Variants in DOCK8 observed in about 807,000 individuals in gnomAD.
DOCK8 encodes the protein dedicator of cytokinesis 8.
In DOCK8, 141 loss-of-function variants were observed where a neutral mutation model predicts 245.6. The ratio of observed to expected loss-of-function variants is 0.57; its 90% confidence interval spans 0.50 to 0.66. The LOEUF is 0.66. DOCK8 is among the 30% of genes least tolerant of loss of function. The pLI is 0.00. For missense variants in DOCK8, 2,965 were observed against 2,603.4 expected, an observed-to-expected ratio of 1.14 and a Z score of -3.02; for synonymous variants, 1,168 against 970.2, an observed-to-expected ratio of 1.20 and a Z score of -3.79.
chr9:344,534 A>AG (rs2051775272), intron 14 of DOCK8, among the ~76,000 whole-genome samples: 4 of 150,492 alleles, frequency 2.7e-5, no homozygotes, highest in African/African-American at 9.8e-5. Context: ...TAAAATTGGC[A>AG]AGCTGACTAA....
rs2031946 is a variant in DOCK8 at position 449,700 on chromosome 9, G to T, written c.5818-84G>T. The T allele has an allele frequency of 0.15, 240,710 of 1,575,856 alleles. 26,122 individuals carry two copies. Among genetic ancestry groups the T allele is most frequent in the East Asian group, 0.56 (24,777 of 44,626 alleles). ...TCCCTAGCTGCCTCTTCAAATTCAGGTGGCCTCTCTGTCATAGCTCCAGGC... is the reference window on the plus strand; with the variant it reads ...TCCCTAGCTGCCTCTTCAAATTCAGTTGGCCTCTCTGTCATAGCTCCAGGC... On this transcript the variant is annotated intron_variant, in intron 44 of 47. Coordinates refer to ENST00000432829, the MANE Select transcript of DOCK8 (RefSeq NM_203447.4).
Position 464,311 on chromosome 9 carries a change from A to G in DOCK8, c.*92A>G. On this transcript the variant is annotated 3_prime_UTR_variant, in exon 48 of 48. Transcript: ENST00000432829. The stretch of plus-strand genomic sequence containing the variant: ...AAAAATGGGACATTTGCCACCCAGG[A>G]CTGACTGTACACTCCCTGATCAGCC... 4.8e-6 allele frequency: 5 copies of G among 1,041,550 alleles called. No individual in the cohort carries two copies. Among genetic ancestry groups the G allele is most frequent in the South Asian group, 3.8e-5 (3 of 79,618 alleles). 64.5% of individuals were successfully genotyped at this position (1,041,550 alleles called of 1,614,324 possible).
intron 1 of DOCK8, among the ~76,000 whole-genome samples, chr9:230,389 G>T (rs1296247128): frequency 6.6e-6 from 1 of 152,242 alleles, no homozygotes; most frequent in East Asian, 1.9e-4. Flanking sequence ...ATAGCAGCAT[G>T]ATTTATAGTC....
Position 311,724 on chromosome 9 carries a change from G to C in DOCK8, c.529-230G>C, listed in dbSNP as rs558174299. The stretch of plus-strand genomic sequence containing the variant: ...CCTCAGGACTGGTTTGTCTGCATAA[G>C]ATGAGTAACTACCTGCTTCCAGGTG... On this transcript the variant is annotated intron_variant, in intron 5 of 47. Transcript: ENST00000432829. Among the ~76,000 whole-genome samples the C allele has an allele frequency of 7.5e-4, 114 of 152,330 alleles. 6 individuals carry two copies. Among genetic ancestry groups the C allele is most frequent in the South Asian group, 2.7e-3 (13 of 4,832 alleles).
intron 2 of DOCK8, among the ~76,000 whole-genome samples, chr9:273,832 G>T (rs557793118): frequency 6.6e-6 from 1 of 150,948 alleles, no homozygotes; most frequent in South Asian, 2.1e-4. Flanking sequence ...TCAGCCTCCC[G>T]AGTAGCTGGG....
At chr9:313,955 A>G (rs2050237565) in intron 6 of DOCK8, among the ~76,000 whole-genome samples, 1 of 152,230 alleles carries the variant, frequency 6.6e-6, no homozygotes, top group East Asian at 1.9e-4. Context: ...ATAAATTAAT[A>G]AAGTATGAAT....
intron 43 of DOCK8, among the ~76,000 whole-genome samples, chr9:446,071 T>G (rs1040041832): frequency 2.6e-5 from 4 of 152,244 alleles, no homozygotes; most frequent in Non-Finnish European, 5.9e-5. Flanking sequence ...GGAATAGCAG[T>G]TTGCAAACTC....
chr9:257,333 G>A (rs909137847), intron 1 of DOCK8, among the ~76,000 whole-genome samples: 5 of 152,196 alleles, frequency 3.3e-5, no homozygotes, highest in Admixed American at 6.5e-5. Context: ...GATAGTCAGC[G>A]TTAGTTAGAC....
chr9:294,644 C>A (rs898711300), intron 4 of DOCK8, among the ~76,000 whole-genome samples: 2 of 152,188 alleles, frequency 1.3e-5, no homozygotes, highest in African/African-American at 4.8e-5. Context: ...TGTGCAAATA[C>A]AGCAGTTTAG....
At position 390,478 on chromosome 9, in the gene DOCK8, A is replaced by T. The variant is rs1554688666; in HGVS notation, c.2882A>T (p.His961Leu). The stretch of plus-strand genomic sequence containing the variant: ...TTTGTGGTTCTTATTTAGCATTTCC[A>T]TGAGGAGCTTGCCCTTCAGATGGTG... ...APRPASKKHF[H>L]EELALQMVVS... The change falls in exon 24 of 48, where the codon CAT becomes CTT. Residue 961 changes from histidine (H) to leucine (L), a missense_variant. Coordinates refer to ENST00000432829, the MANE Select transcript of DOCK8 (RefSeq NM_203447.4). 1 of 1,614,188 alleles carries T rather than the reference A, an allele frequency of 6.2e-7. No homozygotes were observed. The highest frequency in any genetic ancestry group is 1.6e-4 in the Middle Eastern group (1 of 6,062).
chr9:234,855 G>C (rs2047208491), intron 1 of DOCK8, among the ~76,000 whole-genome samples: 1 of 151,812 alleles, frequency 6.6e-6, no homozygotes, highest in South Asian at 2.1e-4. Context: ...TCCTCCTGTA[G>C]CTCAGAGTAG....
intron 2 of DOCK8, among the ~76,000 whole-genome samples, chr9:275,407 G>A (rs150114758): frequency 1.3e-5 from 2 of 152,190 alleles, no homozygotes; most frequent in East Asian, 3.9e-4. Context: ...TGATTGAGAA[G>A]GCTGAGAAGA....
At chr9:236,142 TTCTTTGTG>T (rs573116235) in intron 1 of DOCK8, among the ~76,000 whole-genome samples, 30 of 152,266 alleles carry the variant, frequency 2.0e-4, no homozygotes, top group African/African-American at 7.2e-4. Context: ...GAGACTCTGG[TTCTTTGTG>T]TCTTTGTGTC....
At chr9:257,085 T>C (rs748098294) in intron 1 of DOCK8, among the ~76,000 whole-genome samples, 2 of 152,174 alleles carry the variant, frequency 1.3e-5, no homozygotes, top group Non-Finnish European at 2.9e-5. Flanking sequence ...CTTCATAACT[T>C]TGGAACAGTG....
intron 4 of DOCK8, among the ~76,000 whole-genome samples, chr9:295,170 A>G (rs543901865): frequency 2.5e-4 from 38 of 152,156 alleles, no homozygotes; most frequent in East Asian, 1.5e-3. Flanking sequence ...AAAAAAAAAA[A>G]AAGAAGAAGA....
chr9:232,633 A>T (rs971705452), intron 1 of DOCK8, among the ~76,000 whole-genome samples: 1 of 152,096 alleles, frequency 6.6e-6, no homozygotes, highest in Non-Finnish European at 1.5e-5. Context: ...GGGAGGGTGT[A>T]TGTGTCGAGG....
At chr9:400,268 CCAT>C (rs2054811140) in intron 26 of DOCK8, among the ~76,000 whole-genome samples, 2 of 88,160 alleles carry the variant, frequency 2.3e-5, no homozygotes, top group African/African-American at 1.1e-4. Flanking sequence ...ACCACCTCCA[CCAT>C]CACCACCACT....
At chr9:438,232 A>G (rs897643239) in intron 39 of DOCK8, among the ~76,000 whole-genome samples, 1 of 152,226 alleles carries the variant, frequency 6.6e-6, no homozygotes, top group African/African-American at 2.4e-5. Flanking sequence ...TTAGTTCACA[A>G]GCCAACTCTG....
chr9:232,834 T>A (rs1269727122), intron 1 of DOCK8, among the ~76,000 whole-genome samples: 1 of 152,202 alleles, frequency 6.6e-6, no homozygotes, highest in African/African-American at 2.4e-5. Context: ...TTGTTGATCT[T>A]TTCAAAAAAC....
Sources: allele counts gnomAD v4.1 joint callset (sites outside exome capture counted in the v4.1 genomes callset), GRCh38; gene constraint gnomAD v4.1.1; transcripts MANE v1.5; gene names NCBI Gene and HGNC (gene_info 2026-07-23, HGNC 2026-07-21).